The following MUC6 variants were observed in gnomAD, a reference collection of about 807,000 sequenced individuals.
MUC6 encodes mucin-6.
MUC6 carries 188 observed loss-of-function variants against 201.5 expected under a neutral mutation model. The observed-to-expected ratio is 0.93, with a 90% CI of 0.83 to 1.05. The LOEUF (loss-of-function observed/expected upper bound fraction) is 1.05, where lower values mean the gene tolerates loss of function less well. Ranked by LOEUF, MUC6 falls within the 50% of genes least tolerant of loss-of-function variation. MUC6 has a pLI of 0.00. For synonymous variants in MUC6, 1,228 were observed against 1,389.4 expected (o/e 0.88, Z 2.58); for missense variants, 2,706 against 3,256.9 (o/e 0.83, Z 4.12).
At chr11:1,024,324 G>A (rs950438890) in intron 24 of MUC6, among the ~76,000 whole-genome samples, 8 of 152,214 alleles carry the variant, frequency 5.3e-5, no homozygotes, top group Admixed American at 3.9e-4. Flanking sequence ...CTTGAGACCC[G>A]CCATCGGGAC....
In MUC6 at chr11:1,030,678, G is replaced by C; in HGVS notation, c.787C>G (p.Gln263Glu). ...CAACTGCTGTTCTGTGGGCCTGGCT[G>C]GGGGGCTGCGGCCACGTCCGCCTGG... ...SCQADVAAAP[Q>E]PGPQNSSCAT... Residue 263 changes from glutamine (Q) to glutamate (E), a missense_variant, in exon 7 of 33, where the codon CAG becomes GAG. This residue lies in a region of MUC6 where 1,850 missense variants were observed against 1,958.3 expected (regional missense o/e 0.94). Coordinates refer to ENST00000421673, the MANE Select transcript of MUC6 (RefSeq NM_005961.3). 1 of 1,549,592 alleles carries C rather than the reference G, an allele frequency of 6.5e-7. No homozygotes were observed. Among genetic ancestry groups the C allele is most frequent in the Non-Finnish European group, 8.7e-7 (1 of 1,149,020 alleles).
chr11:1,015,931 C>G lies in MUC6; in HGVS notation c.6870G>C (p.Ser2290=). The G allele has an allele frequency of 6.3e-7, 1 of 1,599,384 alleles. No homozygotes were observed. Among genetic ancestry groups the G allele is most frequent in the Non-Finnish European group, 8.5e-7 (1 of 1,171,710 alleles). Residue 2290 remains serine (S), a synonymous_variant, in exon 31 of 33, where the codon TCG becomes TCC. Transcript: ENST00000421673. Reference sequence around the variant, plus strand: ...GAGAGGTGGGGATACCCGTCACCCCCGAGGTGAGTGACACAAAGCCTGATG... The same window carrying G: ...GAGAGGTGGGGATACCCGTCACCCCGGAGGTGAGTGACACAAAGCCTGATG... ...VPTSGFVSLT[S]GVTGIPTSPV...
At position 1,013,558 on chromosome 11, in the gene MUC6, C is replaced by T. The variant is rs777660761; in HGVS notation, c.7218G>A (p.Leu2406=). 5 of 1,574,582 alleles carry T rather than the reference C, an allele frequency of 3.2e-6. No homozygotes were observed. Among genetic ancestry groups the T allele is most frequent in the Non-Finnish European group, 4.3e-6 (5 of 1,161,860 alleles). ...CRPLHSYEQQ[L]ELPCPDPSTP... ...TGCTGGGATCGGGGCAGGGCAGCTC[C>T]AGCTGCTGCTCATAGGAGTGGAGGG... is the stretch of plus-strand genomic sequence containing the variant. Residue 2406 remains leucine (L), a synonymous_variant, in exon 33 of 33, where the codon CTG becomes CTA. Transcript: ENST00000421673.
chr11:1,016,274 C>T lies in MUC6; in HGVS notation c.6527G>A (p.Ser2176Asn), dbSNP rs775734402. The T allele has an allele frequency of 1.9e-6, 3 of 1,612,848 alleles. No individual in the cohort carries two copies. The highest frequency in any genetic ancestry group is 2.5e-6 in the Non-Finnish European group (3 of 1,179,636). ...GGACAATGAGGAGTGTGACCCCGAG[C>T]TCAGGGTTGTGGAGTGCACGGGGGC... is the stretch of plus-strand genomic sequence containing the variant. ...VSAPVHSTTLSSGSHSSLSTH... is the reference protein window; with the variant it reads ...VSAPVHSTTLNSGSHSSLSTH... The change falls in exon 31 of 33, where the codon AGC (serine) becomes AAC (asparagine). Residue 2176 changes from serine (S) to asparagine (N), a missense_variant. Transcript: ENST00000421673.
chr11:1,036,573 G>A (rs56139616), intron 1 of MUC6, 31 bp downstream of exon 1: 243,527 of 1,547,862 alleles, frequency 0.16, 20,889 homozygotes, highest in Non-Finnish European at 0.18. Context: ...TGAGGGCACC[G>A]CAGTGTCTGG....
At chr11:1,036,094 A>C (rs1209482512) in intron 1 of MUC6, among the ~76,000 whole-genome samples, 1 of 152,000 alleles carries the variant, frequency 6.6e-6, no homozygotes, top group Non-Finnish European at 1.5e-5. Flanking sequence ...GGATGGCCGT[A>C]CACCTTCCCC....
chr11:1,031,224 G>T lies in MUC6; in HGVS notation c.519C>A (p.Cys173Ter). 6.3e-7 allele frequency: 1 copy of T among 1,575,468 alleles called. No homozygotes were observed. The change falls in exon 5 of 33, where the codon TGC becomes TGA. Residue 173 changes from cysteine (C) to a stop codon, truncating the protein, a stop_gained. Coordinates refer to ENST00000421673, the MANE Select transcript of MUC6 (RefSeq NM_005961.3). LOFTEE classifies it high-confidence loss of function. ...LVERKYMGQM[C>*]GLCGNFDGKV... is the part of the protein sequence containing the mutation. ...TCCCGTCAAAGTTCCCGCAGAGCCC[G>T]CACATCTGACCCATGTACTTCCGCT... is the stretch of plus-strand genomic sequence containing the variant.
Position 1,015,540 on chromosome 11 carries a change from C to A in MUC6, c.7039+222G>T, listed in dbSNP as rs117929861. Among the ~76,000 whole-genome samples, 1,502 of 152,166 alleles carry A rather than the reference C, an allele frequency of 9.9e-3. 9 individuals are homozygous for A. Among genetic ancestry groups the A allele is most frequent in the Non-Finnish European group, 0.017 (1,188 of 68,000 alleles). ...GGTCAAGGTTAGCTGGGGAACAAGG[C>A]CCAACGGGGAGGCCAGGCACTTGCT... On this transcript the variant is annotated intron_variant, in intron 31 of 32. Coordinates refer to ENST00000421673, the MANE Select transcript of MUC6 (RefSeq NM_005961.3).
Position 1,027,029 on chromosome 11 carries a change from G to A in MUC6, c.2306C>T (p.Thr769Ile). Residue 769 changes from threonine to isoleucine, a missense_variant, in exon 19 of 33, where the codon ACC becomes ATC. Coordinates refer to ENST00000421673, the MANE Select transcript of MUC6 (RefSeq NM_005961.3). Reference protein sequence around the residue: ...MFLASCQAPKTFKSCSQSSEN... With the variant: ...MFLASCQAPKIFKSCSQSSEN... ...GGAGGACTGGCTGCAGGACTTGAAGGTCTTAGGGGCCTGGCAGGAGGCTGC... is the reference window on the plus strand; with the variant it reads ...GGAGGACTGGCTGCAGGACTTGAAGATCTTAGGGGCCTGGCAGGAGGCTGC... 1 of 1,603,146 alleles carries A rather than the reference G, an allele frequency of 6.2e-7. No individual in the cohort carries two copies. Among genetic ancestry groups the A allele is most frequent in the Non-Finnish European group, 8.5e-7 (1 of 1,175,630 alleles).
chr11:1,036,297 G>A (rs887163701), intron 1 of MUC6, among the ~76,000 whole-genome samples: 6 of 152,154 alleles, frequency 3.9e-5, no homozygotes, highest in Admixed American at 3.3e-4. Context: ...CACTGTTCCC[G>A]CGGGAGTGCC....
At position 1,027,171 on chromosome 11, in the gene MUC6, T is replaced by A; in HGVS notation, c.2254A>T (p.Ser752Cys). ...AACATCTGTGGCCGCTGCGGGCAAC[T>A]CAGCCGCCCGTTGATGCAGTGGCTG... Reference protein sequence around the residue: ...ITCHCINGRLSCPQRPQMFLA... With the variant: ...ITCHCINGRLCCPQRPQMFLA... Residue 752 changes from serine (S) to cysteine (C), a missense_variant, in exon 18 of 33, where the codon AGT becomes TGT. Ser to Cys is a moderately radical substitution (Grantham distance 112, BLOSUM62 -1). Transcript: ENST00000421673. The A allele has an allele frequency of 6.2e-7, 1 of 1,612,566 alleles. No individual in the cohort carries two copies. Among genetic ancestry groups the A allele is most frequent in the South Asian group, 1.1e-5 (1 of 91,076 alleles).
At chr11:1,022,080 G>A (rs1433610583) in intron 26 of MUC6, among the ~76,000 whole-genome samples, 6 of 111,052 alleles carry the variant, frequency 5.4e-5, no homozygotes, top group Middle Eastern at 5.9e-3. Flanking sequence ...CTGCAGCCCC[G>A]CGCCTCTCAC....
rs771723439 is a variant in MUC6, at chr11:1,015,935, G to A, written c.6866C>T (p.Thr2289Ile). The change falls in exon 31 of 33, where the codon ACC (threonine) becomes ATC (isoleucine). Residue 2289 changes from threonine to isoleucine, a missense_variant. By Grantham distance (89) the Thr-to-Ile change is moderately conservative. Coordinates refer to ENST00000421673, the MANE Select transcript of MUC6 (RefSeq NM_005961.3). ...RVPTSGFVSL[T>I]SGVTGIPTSP... ...GGTGGGGATACCCGTCACCCCCGAG[G>A]TGAGTGACACAAAGCCTGATGTGGG... The A allele has an allele frequency of 6.3e-7, 1 of 1,598,598 alleles. No individual in the cohort carries two copies. Among genetic ancestry groups the A allele is most frequent in the African/African-American group, 1.3e-5 (1 of 74,752 alleles).
rs753459082 is a variant in MUC6, at chr11:1,017,144, G to A, written c.5657C>T (p.Thr1886Ile). ...TIPPPTTIKA[T>I]GSTHTAPPMT... Reference sequence around the variant, plus strand: ...TGGTGGGGCTGTGTGGGTGGACCCTGTGGCCTTGATCGTGGTCGGTGGAGG... The same window carrying A: ...TGGTGGGGCTGTGTGGGTGGACCCTATGGCCTTGATCGTGGTCGGTGGAGG... Residue 1886 changes from threonine (T) to isoleucine (I), a missense_variant, in exon 31 of 33, where the codon ACA becomes ATA. This residue lies in a region of MUC6 where 20 missense variants were observed against 128.3 expected (regional missense o/e 0.16). Coordinates refer to ENST00000421673, the MANE Select transcript of MUC6 (RefSeq NM_005961.3). 1.2e-6 allele frequency: 2 copies of A among 1,613,614 alleles called. No homozygotes were observed. Among genetic ancestry groups the A allele is most frequent in the South Asian group, 2.2e-5 (2 of 91,064 alleles).
At chr11:1,022,902 ATG>A (rs748192609) in intron 26 of MUC6, among the ~76,000 whole-genome samples, 11 of 151,740 alleles carry the variant, frequency 7.2e-5, no homozygotes, top group African/African-American at 1.7e-4. Context: ...TGTTGAATGA[ATG>A]TGCGTGAATG....
chr11:1,027,268 C>CAGGTGATGCCGTTGAT lies in MUC6; in HGVS notation c.2215_2230dup (p.Cys744TyrfsTer30). 1 of 1,612,418 alleles carries CAGGTGATGCCGTTGAT rather than the reference C, an allele frequency of 6.2e-7. No homozygotes were observed. Among genetic ancestry groups the CAGGTGATGCCGTTGAT allele is most frequent in the South Asian group, 1.1e-5 (1 of 91,086 alleles). ...GCCTGGCCCCTGCCCGGTCCCTCAC[C>CAGGTGATGCCGTTGAT]AGGTGATGCCGTTGATGACAGTGGA... is the stretch of plus-strand genomic sequence containing the variant. On this transcript the variant is annotated frameshift_variant and splice_region_variant, in exon 17 of 33. Transcript: ENST00000421673. LOFTEE classifies it high-confidence loss of function.
rs568758533 is a variant in MUC6, at chr11:1,031,797, G to T, written c.356+16C>A. The stretch of plus-strand genomic sequence containing the variant: ...TCCGGCCCCCGAGCCCCCGGGCCCC[G>T]GCCCACCTGACCTACCCGATGTCCT... On this transcript the variant is annotated intron_variant, in intron 3 of 32. Transcript: ENST00000421673. The T allele has an allele frequency of 5.7e-6, 9 of 1,578,960 alleles. No homozygotes were observed. The highest frequency in any genetic ancestry group is 7.7e-6 in the Non-Finnish European group (9 of 1,162,934).
chr11:1,031,775 G>T (rs758383947), intron 3 of MUC6, 38 bp downstream of exon 3: 45 of 1,554,258 alleles, frequency 2.9e-5, no homozygotes, highest in Non-Finnish European at 3.6e-5. Flanking sequence ...TCAGTCCTCC[G>T]GCCCCCGAGC....
chr11:1,024,127 T>G, intron 24 of MUC6, 24 bp from the exon 25 acceptor site: 1 of 1,602,550 alleles, frequency 6.2e-7, no homozygotes, highest in East Asian at 2.2e-5. Flanking sequence ...TGCCAGTCAG[T>G]GTCTGGCTGC....
Sources: allele counts gnomAD v4.1 joint callset (sites outside exome capture counted in the v4.1 genomes callset), GRCh38; gene constraint gnomAD v4.1.1; regional missense constraint gnomAD v4.1.1; transcripts MANE v1.5; gene names NCBI Gene and HGNC (gene_info 2026-07-23, HGNC 2026-07-21).